The following PTPRK variants were observed in gnomAD, a reference collection of about 807,000 sequenced individuals.
The protein encoded by PTPRK is protein tyrosine phosphatase receptor type K.
Under a neutral mutation model 178.0 loss-of-function variants are expected in PTPRK, and 75 were observed. The ratio of observed to expected loss-of-function variants is 0.42; its 90% CI spans 0.35 to 0.51. The LOEUF (loss-of-function observed/expected upper bound fraction) is 0.51, where lower values mean the gene tolerates loss of function less well. Among genes scored for constraint, PTPRK ranks in the 20% least tolerant of loss-of-function variants. The probability of loss-of-function intolerance (pLI) is 0.02; values close to 1 mark genes in which losing one functional copy is unlikely to be tolerated. For missense variants in PTPRK, 1,441 were observed against 1,797.8 expected, an observed-to-expected ratio of 0.80 and a Z score of 3.59; for synonymous variants, 637 against 620.6, an observed-to-expected ratio of 1.03 and a Z score of -0.39.
At chr6:128,442,873 G>A (rs1846459685) in intron 1 of PTPRK, among the ~76,000 whole-genome samples, 1 of 152,180 alleles carries the variant, frequency 6.6e-6, no homozygotes, top group African/African-American at 2.4e-5. Flanking sequence ...TACAGTATCA[G>A]TTAAAGAATA....
chr6:128,412,698 T>C (rs1304282521), intron 1 of PTPRK, among the ~76,000 whole-genome samples: 1 of 152,214 alleles, frequency 6.6e-6, no homozygotes, highest in Non-Finnish European at 1.5e-5. Context: ...TGGCCAATGA[T>C]AAGAGTTCTC....
rs148822574 is a variant in PTPRK at position 128,100,745 on chromosome 6, C to A, written c.1163-10753G>T. 5.8e-4 allele frequency among the ~76,000 whole-genome samples: 88 copies of A among 151,926 alleles called. 1 individual carries two copies. The East Asian group carries it at 0.015, about 26-fold the overall frequency. ...TGATATATACCTAAATAATTCATTT[C>A]TTTACTTTTGAAAAGGTATTCAAAA... On this transcript the variant is annotated intron_variant, in intron 7 of 29. Transcript: ENST00000368226.
At chr6:128,402,011 C>G (rs1841081243) in intron 1 of PTPRK, among the ~76,000 whole-genome samples, 1 of 152,124 alleles carries the variant, frequency 6.6e-6, no homozygotes, top group Admixed American at 6.5e-5. Context: ...CATTAGGACA[C>G]ATGCAATACT....
chr6:127,972,926 C>A, intron 29 of PTPRK, 96 bp downstream of exon 29: 2 of 1,267,488 alleles, frequency 1.6e-6, no homozygotes, highest in South Asian at 1.4e-5. Context: ...ATTTTCACAT[C>A]TGATTCCCTA....
At chr6:128,482,886 GACA>G (rs562229398) in intron 1 of PTPRK, among the ~76,000 whole-genome samples, 2 of 152,142 alleles carry the variant, frequency 1.3e-5, no homozygotes, top group African/African-American at 2.4e-5. Context: ...TATTATTCCA[GACA>G]ACAACAAATG....
intron 3 of PTPRK, among the ~76,000 whole-genome samples, chr6:128,264,755 T>C (rs1818695969): frequency 6.6e-6 from 1 of 152,142 alleles, no homozygotes; most frequent in South Asian, 2.1e-4. Flanking sequence ...TCATCTTGAA[T>C]TGTAACTCCC....
chr6:127,970,811 C>T (rs1331256282), intron 29 of PTPRK, among the ~76,000 whole-genome samples: 3 of 151,566 alleles, frequency 2.0e-5, no homozygotes, highest in Non-Finnish European at 4.4e-5. Flanking sequence ...ATTCTTTTTC[C>T]ATGTTATTTA....
At chr6:128,491,303 T>G (rs1853732033) in intron 1 of PTPRK, among the ~76,000 whole-genome samples, 1 of 152,218 alleles carries the variant, frequency 6.6e-6, no homozygotes, top group Non-Finnish European at 1.5e-5. Context: ...TGGGGATAAA[T>G]GGAGGACACA....
At chr6:128,262,030 C>T (rs988288316) in intron 3 of PTPRK, among the ~76,000 whole-genome samples, 1 of 152,128 alleles carries the variant, frequency 6.6e-6, no homozygotes, top group African/African-American at 2.4e-5. Flanking sequence ...AGAAAACTCT[C>T]CACATGTGCA....
chr6:128,021,490 GC>G (rs1447138762), intron 13 of PTPRK, among the ~76,000 whole-genome samples: 1 of 152,110 alleles, frequency 6.6e-6, no homozygotes, highest in African/African-American at 2.4e-5. Flanking sequence ...CAAAAAATTA[GC>G]CGGGCGTGGT....
At chr6:128,479,318 G>C (rs1442739283) in intron 1 of PTPRK, among the ~76,000 whole-genome samples, 1 of 152,058 alleles carries the variant, frequency 6.6e-6, no homozygotes, top group East Asian at 1.9e-4. Context: ...CTAAAAATTA[G>C]GGGGAGGGGA....
intron 2 of PTPRK, among the ~76,000 whole-genome samples, chr6:128,357,227 C>T (rs931521099): frequency 2.0e-5 from 3 of 152,170 alleles, no homozygotes; most frequent in Admixed American, 1.3e-4. Flanking sequence ...AATTTAGCTA[C>T]TATTATGCTT....
intron 1 of PTPRK, among the ~76,000 whole-genome samples, chr6:128,445,951 A>G (rs1846957421): frequency 1.3e-5 from 2 of 152,300 alleles, no homozygotes; most frequent in South Asian, 2.1e-4. Flanking sequence ...TCCATCTTGT[A>G]TAGGTTAAGA....
At chr6:128,492,794 C>T (rs1854017347) in intron 1 of PTPRK, among the ~76,000 whole-genome samples, 1 of 152,190 alleles carries the variant, frequency 6.6e-6, no homozygotes, top group African/African-American at 2.4e-5. Flanking sequence ...ATCTCCCAAT[C>T]TTTGCATATG....
At chr6:128,203,714 C>G (rs1169226447) in intron 6 of PTPRK, among the ~76,000 whole-genome samples, 3 of 152,090 alleles carry the variant, frequency 2.0e-5, no homozygotes, top group East Asian at 3.9e-4. Context: ...ATACAGCTAA[C>G]AAGGGAAGTG....
intron 1 of PTPRK, among the ~76,000 whole-genome samples, chr6:128,498,632 T>C (rs1251620400): frequency 6.6e-6 from 1 of 152,216 alleles, no homozygotes; most frequent in Non-Finnish European, 1.5e-5. Context: ...GGATATATAC[T>C]GAATTATAAG....
intron 6 of PTPRK, among the ~76,000 whole-genome samples, chr6:128,194,296 C>G (rs1184300802): frequency 6.6e-6 from 1 of 151,870 alleles, no homozygotes; most frequent in East Asian, 1.9e-4. Flanking sequence ...CCGTGTTAGC[C>G]AGGATGGTCT....
intron 7 of PTPRK, among the ~76,000 whole-genome samples, chr6:128,126,467 T>C (rs1793392916): frequency 6.6e-6 from 1 of 152,210 alleles, no homozygotes; most frequent in African/African-American, 2.4e-5. Context: ...TATGCAGGCT[T>C]TTCTGCAGAA....
intron 13 of PTPRK, among the ~76,000 whole-genome samples, chr6:128,055,883 G>A (rs916986862): frequency 6.6e-6 from 1 of 152,068 alleles, no homozygotes; most frequent in Non-Finnish European, 1.5e-5. Context: ...TTACAGGCAT[G>A]AGCCACCATG....
Sources: gnomAD v4.1 joint callset for allele counts (sites outside exome capture counted in the v4.1 genomes callset) on GRCh38, gnomAD v4.1.1 for gene constraint, MANE v1.5 for transcripts, NCBI Gene and HGNC (gene_info 2026-07-23, HGNC 2026-07-21) for gene names.